Variants in LOC112694756 observed in about 807,000 individuals in gnomAD.
chr16:30,069,057 G>C, the LOC112694756 span: 1 of 1,594,298 alleles, frequency 6.3e-7, no homozygotes, highest in Admixed American at 1.7e-5. Context: ...TACCTGCCAT[G>C]ATGCCTACCT....
chr16:30,068,884 G>A, the LOC112694756 span: 3 of 1,614,242 alleles, frequency 1.9e-6, no homozygotes, highest in Admixed American at 1.7e-5. Context: ...GCCAAGTGGC[G>A]TTGTGTGCTG....
the LOC112694756 span, chr16:30,055,226 G>A: frequency 5.0e-6 from 2 of 399,382 alleles, no homozygotes; most frequent in Admixed American, 4.4e-5. Flanking sequence ...AGGTTCCTCC[G>A]GGCCCCCAGA....
chr16:30,054,732 C>T, the LOC112694756 span: 1 of 399,408 alleles, frequency 2.5e-6, no homozygotes, highest in Non-Finnish European at 4.4e-6. Flanking sequence ...TTCCCGTGTT[C>T]CTGCAGCCCC....
At chr16:30,068,518 A>C in the LOC112694756 span, 1 of 1,058,836 alleles carries the variant, frequency 9.4e-7, no homozygotes, top group Non-Finnish European at 1.4e-6. Flanking sequence ...CGGGAGGATC[A>C]CTTGAGTCCA....
chr16:30,067,716 C>G, the LOC112694756 span: 2 of 1,601,400 alleles, frequency 1.2e-6, no homozygotes, highest in South Asian at 2.2e-5. Context: ...GGAAGGAAAT[C>G]CAGGTTAGTG....
chr16:30,069,375 T>G, the LOC112694756 span: 1 of 1,614,100 alleles, frequency 6.2e-7, no homozygotes, highest in Non-Finnish European at 8.5e-7. Context: ...GCGCTGCCAG[T>G]ATGTGACCGA....
chr16:30,063,331 C>T, the LOC112694756 span, among the ~76,000 whole-genome samples: 3 of 152,068 alleles, frequency 2.0e-5, no homozygotes, highest in Non-Finnish European at 4.4e-5. Context: ...TCATGATGGA[C>T]AGAAAAATGT....
chr16:30,055,021 T>C, the LOC112694756 span: 1 of 398,638 alleles, frequency 2.5e-6, no homozygotes, highest in Non-Finnish European at 4.4e-6. Flanking sequence ...CCTGAGACAC[T>C]TGACATTTAG....
At chr16:30,061,195 G>A in the LOC112694756 span, among the ~76,000 whole-genome samples, 5 of 152,258 alleles carry the variant, frequency 3.3e-5, no homozygotes, top group Non-Finnish European at 7.3e-5. Flanking sequence ...GGATAGACCA[G>A]TTCTCCCTTC....
At chr16:30,062,840 C>G in the LOC112694756 span, among the ~76,000 whole-genome samples, 1 of 139,692 alleles carries the variant, frequency 7.2e-6, no homozygotes, top group Admixed American at 7.4e-5. Context: ...AACTCCATCT[C>G]GGAAAAAAAA....
At chr16:30,068,911 C>T in the LOC112694756 span, 1 of 1,614,250 alleles carries the variant, frequency 6.2e-7, no homozygotes, top group Non-Finnish European at 8.5e-7. Flanking sequence ...GGGGAACACA[C>T]CCCCTCAGCC....
At chr16:30,062,303 G>T in the LOC112694756 span, among the ~76,000 whole-genome samples, 1 of 152,182 alleles carries the variant, frequency 6.6e-6, no homozygotes, top group Admixed American at 6.5e-5. Context: ...GGAGACCAAG[G>T]TGGGTTTAGC....
chr16:30,068,564 CTG>C, the LOC112694756 span: 3 of 1,494,914 alleles, frequency 2.0e-6, no homozygotes, highest in Admixed American at 1.7e-5. Context: ...GATTCCACCA[CTG>C]TACTCCAGCC....
At chr16:30,067,827 G>C in the LOC112694756 span, 1 of 774,214 alleles carries the variant, frequency 1.3e-6, no homozygotes, top group South Asian at 1.6e-5. Context: ...ACAATTCTGA[G>C]AGAACAGTAT....
At chr16:30,068,536 G>A in the LOC112694756 span, 3 of 1,254,952 alleles carry the variant, frequency 2.4e-6, no homozygotes, top group Non-Finnish European at 3.5e-6. Flanking sequence ...CCAGGAAGTG[G>A]AGGCTTCAGT....
chr16:30,056,063 C>T, the LOC112694756 span, among the ~76,000 whole-genome samples: 7 of 142,440 alleles, frequency 4.9e-5, no homozygotes, highest in Admixed American at 7.2e-5. Context: ...GGCTGCCCAA[C>T]GTGCTGGGAT....
the LOC112694756 span, among the ~76,000 whole-genome samples, chr16:30,063,389 T>C: frequency 3.3e-5 from 5 of 152,128 alleles, no homozygotes; most frequent in Non-Finnish European, 7.4e-5. Context: ...CCCGGGACTG[T>C]AGCAGAACCA....
At chr16:30,067,074 TAA>T in the LOC112694756 span, 1 of 1,572,392 alleles carries the variant, frequency 6.4e-7, no homozygotes, top group Non-Finnish European at 8.6e-7. Flanking sequence ...AAGTTGGGCG[TAA>T]GAGAGAGCTG....
chr16:30,064,685 C>T, the LOC112694756 span: 1 of 387,290 alleles, frequency 2.6e-6, no homozygotes, highest in Non-Finnish European at 4.6e-6. Context: ...AGATCGGGGA[C>T]ACATGTGGGG....
Sources: gnomAD v4.1 joint callset for allele counts (sites outside exome capture counted in the v4.1 genomes callset) on GRCh38, gnomAD v4.1.1 for gene constraint, MANE v1.5 for transcripts.